Variants in ARCN1 observed in about 807,000 individuals in gnomAD.
ARCN1 encodes the protein coatomer subunit delta.
ARCN1 carries 5 observed loss-of-function variants against 60.4 expected under a neutral mutation model. That is an observed-to-expected ratio of 0.08 (90% CI 0.04 to 0.17). The LOEUF is 0.17. ARCN1 is among the 10% of genes least tolerant of loss of function. The probability of loss-of-function intolerance (pLI) is 1.00; values close to 1 mark genes in which losing one functional copy is unlikely to be tolerated. For missense variants in ARCN1, 464 were observed against 626.5 expected, an observed-to-expected ratio of 0.74 and a Z score of 2.77; for synonymous variants, 224 against 220.0, an observed-to-expected ratio of 1.02 and a Z score of -0.16.
chr11:118,592,916 T>TG, intron 7 of ARCN1, 60 bp downstream of exon 7: 29 of 1,476,400 alleles, frequency 2.0e-5, no homozygotes, highest in Non-Finnish European at 2.6e-5. Context: ...AAATAGCCCT[T>TG]GCTGGTACAC....
chr11:118,599,974 T>A (rs1939114662), intron 9 of ARCN1, among the ~76,000 whole-genome samples: 1 of 152,166 alleles, frequency 6.6e-6, no homozygotes, highest in Non-Finnish European at 1.5e-5. Flanking sequence ...ACTCAAGACA[T>A]TAGATAGAAA....
rs1179195532 is a variant in ARCN1, at chr11:118,581,929, G to GACACACACAC, written c.267+423_267+424insCACACACACA. Among the ~76,000 whole-genome samples, 160 of 132,366 alleles carry GACACACACAC rather than the reference G, an allele frequency of 1.2e-3. 6 individuals carry two copies. The East Asian group carries it at 0.025, about 21-fold the overall frequency. The allele number at this position is 132,366 out of a possible 152,430, so 86.8% of individuals were successfully genotyped here. A position where few individuals can be genotyped will look rare whatever the true frequency, so the allele number is the denominator to read the frequency against. ...AGACTTACTGATCCAGAGACAGACA[G>GACACACACAC]ACAGACAGACACACACACACACACA... On this transcript the variant is annotated intron_variant, in intron 2 of 9. Transcript: ENST00000264028.
Position 118,590,256 on chromosome 11 carries a change from A to C in ARCN1, c.819-85A>C, listed in dbSNP as rs1159298109. The C allele has an allele frequency of 5.9e-6, 7 of 1,188,970 alleles. No homozygotes were observed. In the African/African-American group the frequency reaches 9.3e-5, roughly 16 times the overall value. The allele number at this position is 1,188,970 out of a possible 1,614,324, so 73.7% of individuals were successfully genotyped here. A position where few individuals can be genotyped will look rare whatever the true frequency, so the allele number is the denominator to read the frequency against. On this transcript the variant is annotated intron_variant, in intron 5 of 9. Coordinates refer to ENST00000264028, the MANE Select transcript of ARCN1 (RefSeq NM_001655.5). ...GTGATCTGCCCGCCTTGGCCTCCCA[A>C]AGTGCTGGGGTTATAGGCATGAGCC...
At chr11:118,586,712 C>T (rs965876092) in intron 5 of ARCN1, among the ~76,000 whole-genome samples, 3 of 151,868 alleles carry the variant, frequency 2.0e-5, no homozygotes, top group African/African-American at 2.4e-5. Flanking sequence ...ATTAGATGGG[C>T]GTGGTGGCAC....
At chr11:118,575,214 G>T (rs1591379144) in intron 1 of ARCN1, among the ~76,000 whole-genome samples, 1 of 152,100 alleles carries the variant, frequency 6.6e-6, no homozygotes, top group Non-Finnish European at 1.5e-5. Flanking sequence ...TCCTCACCTC[G>T]TGATCTGCCC....
intron 9 of ARCN1, among the ~76,000 whole-genome samples, chr11:118,599,372 C>T (rs757243433): frequency 2.4e-4 from 37 of 151,348 alleles, no homozygotes; most frequent in Admixed American, 8.5e-4. Context: ...ATTACAGGCG[C>T]GAGTCACCGC....
intron 8 of ARCN1, among the ~76,000 whole-genome samples, chr11:118,597,366 C>T (rs1939049219): frequency 1.3e-5 from 2 of 152,222 alleles, no homozygotes; most frequent in South Asian, 4.1e-4. Flanking sequence ...TATAGGGCAG[C>T]AACCTATTGG....
At chr11:118,575,833 C>G (rs1478073037) in intron 1 of ARCN1, among the ~76,000 whole-genome samples, 1 of 152,162 alleles carries the variant, frequency 6.6e-6, no homozygotes, top group African/African-American at 2.4e-5. Flanking sequence ...TCTTGTATCT[C>G]TCTTGCACAC....
intron 6 of ARCN1, among the ~76,000 whole-genome samples, 167 bp downstream of exon 6, chr11:118,590,673 G>A (rs1229653106): frequency 6.6e-6 from 1 of 152,202 alleles, no homozygotes; most frequent in African/African-American, 2.4e-5. Context: ...GTAGCTACCT[G>A]AGAGTGAGTA....
intron 1 of ARCN1, among the ~76,000 whole-genome samples, chr11:118,578,708 A>G (rs1377028275): frequency 6.6e-6 from 1 of 152,088 alleles, no homozygotes. Flanking sequence ...GGGAGAGTCA[A>G]TATTCATTAT....
intron 6 of ARCN1, among the ~76,000 whole-genome samples, chr11:118,591,771 G>C (rs1938916916): frequency 6.8e-6 from 1 of 146,382 alleles, no homozygotes; most frequent in Non-Finnish European, 1.5e-5. Context: ...GTCTCTCTCT[G>C]TCATGCGGGC....
In ARCN1 at chr11:118,572,526, G is replaced by C; in HGVS notation, c.-22G>C. ...TCCCCAGTGGAGCCGGAGTGCGGGC[G>C]CGCCCCACCACCGCCCTCACCATGG... is the stretch of plus-strand genomic sequence containing the variant. On this transcript the variant is annotated 5_prime_UTR_variant, in exon 1 of 10. Coordinates refer to ENST00000264028, the MANE Select transcript of ARCN1 (RefSeq NM_001655.5). The C allele has an allele frequency of 6.2e-7, 1 of 1,611,318 alleles. No homozygotes were observed. Among genetic ancestry groups the C allele is most frequent in the African/African-American group, 1.3e-5 (1 of 74,958 alleles).
At chr11:118,578,045 C>T (rs782765445) in intron 1 of ARCN1, among the ~76,000 whole-genome samples, 6 of 151,964 alleles carry the variant, frequency 3.9e-5, no homozygotes, top group Non-Finnish European at 8.8e-5. Context: ...GCCTGTAGTC[C>T]CAGTTACTCA....
rs782103705 is a variant in ARCN1, at chr11:118,592,771, A to T, written c.1047A>T (p.Pro349=). The change falls in exon 7 of 10, where the codon CCA becomes CCT. Residue 349 remains proline, a synonymous_variant. Coordinates refer to ENST00000264028, the MANE Select transcript of ARCN1 (RefSeq NM_001655.5). ...AGTCTCTAATTGGCCTGAAGAATCCAGAGAAGTCATTTCCAGTCAACAGTG... is the reference window on the plus strand; with the variant it reads ...AGTCTCTAATTGGCCTGAAGAATCCTGAGAAGTCATTTCCAGTCAACAGTG... ...TAESLIGLKN[P]EKSFPVNSDV... 5 of 1,614,014 alleles carry T rather than the reference A, an allele frequency of 3.1e-6. No homozygotes were observed. The highest frequency in any genetic ancestry group is 3.3e-5 in the Admixed American group (2 of 59,998).
chr11:118,577,468 G>T (rs1055071789), intron 1 of ARCN1, among the ~76,000 whole-genome samples: 1 of 151,944 alleles, frequency 6.6e-6, no homozygotes, highest in Admixed American at 6.6e-5. Flanking sequence ...GGCTGGTCTC[G>T]AACTCCTGAC....
chr11:118,586,362 G>C (rs545338985), intron 5 of ARCN1, among the ~76,000 whole-genome samples: 29 of 152,204 alleles, frequency 1.9e-4, no homozygotes, highest in Non-Finnish European at 4.1e-4. Context: ...TCCCAAAAGT[G>C]CTTGGATTAT....
chr11:118,592,922 T>C, intron 7 of ARCN1, 66 bp downstream of exon 7: 1 of 1,451,234 alleles, frequency 6.9e-7, no homozygotes, highest in Non-Finnish European at 9.3e-7. Flanking sequence ...CCCTTGCTGG[T>C]ACACTTTTAT....
intron 8 of ARCN1, chr11:118,594,049 C>T (rs76930336): frequency 1.2e-5 from 2 of 169,838 alleles, no homozygotes; most frequent in Non-Finnish European, 2.5e-5. Flanking sequence ...TAGCATGGGC[C>T]CTGTGCAAGG....
intron 4 of ARCN1, among the ~76,000 whole-genome samples, chr11:118,584,260 G>A (rs1192198121): frequency 2.0e-5 from 3 of 152,168 alleles, no homozygotes; most frequent in African/African-American, 7.2e-5. Context: ...TTGCCTTATT[G>A]TGGGGAGGAA....
Sources: allele counts gnomAD v4.1 joint callset (sites outside exome capture counted in the v4.1 genomes callset), GRCh38; gene constraint gnomAD v4.1.1; transcripts MANE v1.5; gene names NCBI Gene and HGNC (gene_info 2026-07-23, HGNC 2026-07-21).